STK32C: variants seen among roughly 807,000 people sequenced by gnomAD.
STK32C encodes the protein serine/threonine-protein kinase 32C.
A neutral mutation model predicts 56.5 loss-of-function variants in STK32C; 31 were observed. The observed-to-expected ratio is 0.55, with a 90% CI of 0.41 to 0.74. The LOEUF (loss-of-function observed/expected upper bound fraction) is 0.74, where lower values mean the gene tolerates loss of function less well. STK32C is among the 30% of genes least tolerant of loss of function. STK32C has a pLI of 0.00. For synonymous variants in STK32C, 309 were observed against 289.4 expected (o/e 1.07, Z -0.69); for missense variants, 544 against 676.9 (o/e 0.80, Z 2.18).
At chr10:132,252,557 C>G (rs2063946451) in intron 1 of STK32C, among the ~76,000 whole-genome samples, 1 of 152,238 alleles carries the variant, frequency 6.6e-6, no homozygotes, top group South Asian at 2.1e-4. Flanking sequence ...TCCCATCTCA[C>G]AGCTAGGGGG....
At chr10:132,306,482 A>G (rs980848757) in intron 1 of STK32C, among the ~76,000 whole-genome samples, 4 of 152,254 alleles carry the variant, frequency 2.6e-5, no homozygotes, top group South Asian at 2.1e-4. Flanking sequence ...TAGGCAGCAC[A>G]CCATGAATCC....
At chr10:132,306,526 G>C (rs961399722) in intron 1 of STK32C, among the ~76,000 whole-genome samples, 1 of 152,188 alleles carries the variant, frequency 6.6e-6, no homozygotes, top group Non-Finnish European at 1.5e-5. Flanking sequence ...GGCGGTGCAC[G>C]GCCCCACACT....
chr10:132,280,402 G>A (rs1475790420), intron 1 of STK32C, among the ~76,000 whole-genome samples: 10 of 115,538 alleles, frequency 8.7e-5, no homozygotes, highest in African/African-American at 1.4e-4. Context: ...CCGTGATCAC[G>A]CACCTCCACC....
chr10:132,284,555 C>A (rs566414339), intron 1 of STK32C, among the ~76,000 whole-genome samples: 3 of 152,298 alleles, frequency 2.0e-5, no homozygotes, highest in African/African-American at 7.2e-5. Flanking sequence ...GTAGCATCGA[C>A]TGCATGGGCC....
At chr10:132,273,413 TTGAGTGAATGAA>T (rs1156444160) in intron 1 of STK32C, among the ~76,000 whole-genome samples, 2 of 152,040 alleles carry the variant, frequency 1.3e-5, no homozygotes, top group East Asian at 3.8e-4. Context: ...CAAAGCCCTG[TTGAGTGAATGAA>T]TGAGTGAATG....
At position 132,328,921 on chromosome 10, in the gene STK32C, C is replaced by G. The variant is rs1467320729; in HGVS notation, c.301+2515G>C. Reference sequence around the variant, plus strand: ...CCAAGCATGACCCCAAAAGGCTGGACGGAGGCTCCTGCCAGAGCATGACAC... The same window carrying G: ...CCAAGCATGACCCCAAAAGGCTGGAGGGAGGCTCCTGCCAGAGCATGACAC... On this transcript the variant is annotated intron_variant, in intron 1 of 1. Transcript: ENST00000368619. Among the ~76,000 whole-genome samples the G allele has an allele frequency of 3.3e-5, 5 of 152,266 alleles. No homozygotes were observed. The East Asian group carries it at 9.6e-4, about 29-fold the overall frequency.
downstream of STK32C, among the ~76,000 whole-genome samples, chr10:132,320,528 C>A: frequency 6.6e-6 from 1 of 152,020 alleles, no homozygotes; most frequent in Admixed American, 6.6e-5. Flanking sequence ...GAGGTCCCAC[C>A]CCCGCAGAGG....
chr10:132,209,872 AC>A (rs1187432235), intron 10 of STK32C, among the ~76,000 whole-genome samples: 1 of 152,120 alleles, frequency 6.6e-6, no homozygotes, highest in Non-Finnish European at 1.5e-5. Flanking sequence ...AAGGGCCCCC[AC>A]CTCCTGCAGC....
chr10:132,253,412 GGAGGGAGCTGGAGGGAGTC>G (rs1565113539), intron 1 of STK32C, among the ~76,000 whole-genome samples: 19 of 147,678 alleles, frequency 1.3e-4, no homozygotes, highest in East Asian at 4.1e-4. Flanking sequence ...CGAGGGAGCT[GGAGGGAGCTGGAGGGAGTC>G]GAGGGAGCTG....
At chr10:132,237,657 G>A (rs1419095329) in intron 2 of STK32C, among the ~76,000 whole-genome samples, 1 of 152,160 alleles carries the variant, frequency 6.6e-6, no homozygotes. Flanking sequence ...CGGCGGGGCT[G>A]GCCCCGGTGC....
intron 1 of STK32C, among the ~76,000 whole-genome samples, chr10:132,292,975 C>T (rs1404368434): frequency 1.3e-5 from 2 of 152,058 alleles, no homozygotes; most frequent in Non-Finnish European, 2.9e-5. Flanking sequence ...CTGCAAGTCA[C>T]TCAGGACACA....
chr10:132,266,328 G>A (rs2064525192), intron 1 of STK32C, among the ~76,000 whole-genome samples: 1 of 152,132 alleles, frequency 6.6e-6, no homozygotes, highest in Admixed American at 6.5e-5. Context: ...GTAGGAAGGG[G>A]ATGCTTGGAA....
chr10:132,303,661 C>G (rs1207486181), intron 1 of STK32C, among the ~76,000 whole-genome samples: 1 of 152,140 alleles, frequency 6.6e-6, no homozygotes, highest in Non-Finnish European at 1.5e-5. Flanking sequence ...GCTGAATGCT[C>G]TAAACATTTA....
At chr10:132,256,118 G>A (rs1286146412) in intron 1 of STK32C, among the ~76,000 whole-genome samples, 4 of 152,218 alleles carry the variant, frequency 2.6e-5, no homozygotes, top group African/African-American at 9.6e-5. Flanking sequence ...GCTCCATCTT[G>A]GCAGCGATGC....
intron 8 of STK32C, 24 bp from the exon 9 acceptor site, chr10:132,223,010 G>C: frequency 1.3e-6 from 2 of 1,542,730 alleles, no homozygotes; most frequent in Non-Finnish European, 1.7e-6. Flanking sequence ...TGAGTCAGAG[G>C]GTCCAGGGCC....
rs974438630 is a variant in STK32C at position 132,223,118 on chromosome 10, G to A, written c.994-132C>T. Reference sequence around the variant, plus strand: ...AGGTTCAGAATTCAGGAACCTCAGGGCCACGCGAGGAAGGGTGGTGCCGAC... The same window carrying A: ...AGGTTCAGAATTCAGGAACCTCAGGACCACGCGAGGAAGGGTGGTGCCGAC... On this transcript the variant is annotated intron_variant, in intron 8 of 11. Coordinates refer to ENST00000298630, the MANE Select transcript of STK32C (RefSeq NM_173575.4). 2.2e-5 allele frequency: 27 copies of A among 1,238,408 alleles called. No individual in the cohort carries two copies. In the African/African-American group the frequency reaches 3.3e-4, roughly 15 times the overall value. 76.7% of individuals were successfully genotyped at this position (1,238,408 alleles called of 1,614,324 possible).
chr10:132,328,656 A>C (rs2138496651), intron 1 of STK32C, among the ~76,000 whole-genome samples: 1 of 152,384 alleles, frequency 6.6e-6, no homozygotes, highest in African/African-American at 2.4e-5. Flanking sequence ...CCAGGAATGA[A>C]CAAGGACAGC....
At chr10:132,300,938 G>A (rs1278434947) in intron 1 of STK32C, among the ~76,000 whole-genome samples, 2 of 152,190 alleles carry the variant, frequency 1.3e-5, no homozygotes, top group African/African-American at 4.8e-5. Flanking sequence ...AGAGAGGGAG[G>A]TTCAGAGAAA....
chr10:132,228,817 A>G (rs1162552773), intron 2 of STK32C, among the ~76,000 whole-genome samples: 1 of 152,160 alleles, frequency 6.6e-6, no homozygotes, highest in African/African-American at 2.4e-5. Flanking sequence ...CCGTCTCAAC[A>G]CCGTGAGGCC....
Sources: gnomAD v4.1 joint callset for allele counts (sites outside exome capture counted in the v4.1 genomes callset) on GRCh38, gnomAD v4.1.1 for gene constraint, MANE v1.5 for transcripts, NCBI Gene and HGNC (gene_info 2026-07-23, HGNC 2026-07-21) for gene names.